Variants in SMS observed in about 807,000 individuals in gnomAD.
The protein encoded by SMS is spermine synthase.
In SMS, 3 loss-of-function variants were observed where a neutral mutation model predicts 33.0. The ratio of observed to expected loss-of-function variants is 0.09; its 90% CI spans 0.04 to 0.23. The LOEUF (loss-of-function observed/expected upper bound fraction) is 0.23. Ranked by LOEUF, SMS falls within the 10% of genes least tolerant of loss-of-function variation. The probability of loss-of-function intolerance (pLI) is 1.00; values close to 1 mark genes in which losing one functional copy is unlikely to be tolerated. For missense variants in SMS, 117 were observed against 288.6 expected, an observed-to-expected ratio of 0.41 and a Z score of 4.31; for synonymous variants, 103 against 112.2, an observed-to-expected ratio of 0.92 and a Z score of 0.52.
chrX:21,948,496 A>G (rs1429899865), intron 1 of SMS, among the ~76,000 whole-genome samples: 4 of 98,211 alleles, frequency 4.1e-5, no homozygotes, highest in African/African-American at 8.3e-5. Flanking sequence ...GGAGTTACCA[A>G]TTGGGAATCT....
At chrX:21,971,859 T>A in intron 2 of SMS, 38 bp from the exon 3 acceptor site, 1 of 925,390 alleles carries the variant, frequency 1.1e-6, no homozygotes, top group Non-Finnish European at 1.6e-6. Flanking sequence ...AATGCCCCGA[T>A]ACAATTCTTA....
At chrX:21,941,901 A>C (rs1921827920) in intron 1 of SMS, among the ~76,000 whole-genome samples, 1 of 90,041 alleles carries the variant, frequency 1.1e-5, no homozygotes, top group African/African-American at 3.8e-5. Context: ...AAAAAAAAAA[A>C]AAAAAAAAAA....
At chrX:21,993,460 C>T (rs760229693) in intron 10 of SMS, among the ~76,000 whole-genome samples, 4 of 112,704 alleles carry the variant, frequency 3.5e-5, no homozygotes, top group Non-Finnish European at 7.5e-5. Flanking sequence ...CAGATGACGG[C>T]TTCCTTATCT....
At chrX:21,962,492 C>CT (rs1297791917) in intron 1 of SMS, among the ~76,000 whole-genome samples, 2 of 110,935 alleles carry the variant, frequency 1.8e-5, no homozygotes, top group African/African-American at 6.6e-5. Flanking sequence ...GTTTCTTTTC[C>CT]TTTTTTTGTG....
At position 21,992,407 on chromosome X, in the gene SMS, G is replaced by C. The variant is rs191406545; in HGVS notation, c.946-190G>C. On this transcript the variant is annotated intron_variant, in intron 9 of 10. Transcript: ENST00000404933. The stretch of plus-strand genomic sequence containing the variant: ...AAATGGCTTGGTAAATGAGGTAGAA[G>C]GATAACGAGCTCTAATGGGTCTATA... Among the ~76,000 whole-genome samples, 19 of 112,482 alleles carry C rather than the reference G, an allele frequency of 1.7e-4. No individual in the cohort carries two copies. In the East Asian group the frequency reaches 2.2e-3, roughly 13 times the overall value.
At chrX:21,944,539 A>AAAAAAAAAAAAGAAAAAAG (rs776946474) in intron 1 of SMS, among the ~76,000 whole-genome samples, 1 of 81,439 alleles carries the variant, frequency 1.2e-5, no homozygotes, top group African/African-American at 4.9e-5. Context: ...AAAAAAAAAA[A>AAAAAAAAAAAAGAAAAAAG]AAAAAAGAAA....
chrX:21,973,527 G>A (rs187614141), intron 4 of SMS, among the ~76,000 whole-genome samples: 4 of 113,069 alleles, frequency 3.5e-5, no homozygotes, highest in East Asian at 5.6e-4. Flanking sequence ...CCAGAGTGAA[G>A]TTAAGCAATT....
intron 1 of SMS, 45 bp downstream of exon 1, chrX:21,940,918 C>A (rs1422921858): frequency 4.3e-6 from 4 of 935,470 alleles, no homozygotes; most frequent in Non-Finnish European, 5.6e-6. Context: ...CCGCCGCTCC[C>A]GCCGCCTGGC....
At chrX:21,985,802 G>A (rs1009660894) in intron 9 of SMS, among the ~76,000 whole-genome samples, 1 of 111,090 alleles carries the variant, frequency 9.0e-6, no homozygotes, top group Non-Finnish European at 1.9e-5. Flanking sequence ...AATCCCCTCC[G>A]CCATTTTTTA....
At chrX:21,959,490 G>T (rs1462787318) in intron 1 of SMS, among the ~76,000 whole-genome samples, 1 of 111,612 alleles carries the variant, frequency 9.0e-6, no homozygotes, top group Non-Finnish European at 1.9e-5. Context: ...TTTCAGAGGG[G>T]TTATGCCAGT....
intron 7 of SMS, among the ~76,000 whole-genome samples, chrX:21,979,553 A>G (rs1011979593): frequency 8.1e-5 from 9 of 111,380 alleles, no homozygotes; most frequent in African/African-American, 2.9e-4. Context: ...TTATGGCTGC[A>G]TAGTATTCCA....
chrX:21,957,458 G>T (rs1205792217), intron 1 of SMS, among the ~76,000 whole-genome samples: 1 of 110,592 alleles, frequency 9.0e-6, no homozygotes, highest in Non-Finnish European at 1.9e-5. Context: ...CACCACACCC[G>T]GCTAGTTTTT....
rs1921687513 is a variant in SMS, at chrX:21,940,747, C to T, written c.-78C>T. On this transcript the variant is annotated 5_prime_UTR_variant, in exon 1 of 11. Coordinates refer to ENST00000404933, the MANE Select transcript of SMS (RefSeq NM_004595.5). ...CCGGGCGCAGCACACTCCCAGCCGGCCGCAGCCTGACACGCCGCGCGGCCC... is the reference window on the plus strand; with the variant it reads ...CCGGGCGCAGCACACTCCCAGCCGGTCGCAGCCTGACACGCCGCGCGGCCC... 1.2e-6 allele frequency: 1 copy of T among 865,299 alleles called. No homozygotes were observed. Among genetic ancestry groups the T allele is most frequent in the African/African-American group, 2.1e-5 (1 of 47,349 alleles). 71.3% of individuals were successfully genotyped at this position (865,299 alleles called of 1,213,427 possible). A position where few individuals can be genotyped will look rare whatever the true frequency, so the allele number is the denominator to read the frequency against.
chrX:21,961,882 A>G (rs1923382431), intron 1 of SMS, among the ~76,000 whole-genome samples: 1 of 112,333 alleles, frequency 8.9e-6, no homozygotes, highest in South Asian at 3.7e-4. Context: ...ACTTCTGCCA[A>G]AGAAGAACAT....
intron 1 of SMS, among the ~76,000 whole-genome samples, chrX:21,951,363 A>G (rs1922594700): frequency 8.9e-6 from 1 of 112,226 alleles, no homozygotes; most frequent in African/African-American, 3.2e-5. Context: ...GTAGATTGCA[A>G]AAATGTTCTC....
At chrX:21,992,809 T>C in intron 10 of SMS, 97 bp downstream of exon 10, 16 of 506,414 alleles carry the variant, frequency 3.2e-5, no homozygotes, top group Non-Finnish European at 5.2e-5. Context: ...AACAATTAGC[T>C]TAGCCATAGA....
At chrX:21,968,693 G>A (rs775597249) in intron 2 of SMS, among the ~76,000 whole-genome samples, 34 of 112,337 alleles carry the variant, frequency 3.0e-4, no homozygotes, top group African/African-American at 1.0e-3. Flanking sequence ...AAACCAGTGC[G>A]TTGAGCTCTT....
At chrX:21,973,844 G>A (rs1266719905) in intron 4 of SMS, among the ~76,000 whole-genome samples, 1 of 113,176 alleles carries the variant, frequency 8.8e-6, no homozygotes, top group Non-Finnish European at 1.9e-5. Context: ...AATTTCTATC[G>A]GACACTGCCG....
chrX:21,983,674 G>C (rs1925136107), intron 7 of SMS, among the ~76,000 whole-genome samples: 1 of 111,224 alleles, frequency 9.0e-6, no homozygotes, highest in South Asian at 3.7e-4. Flanking sequence ...TTAATAGTTT[G>C]AGTAAGGTGC....
Sources: allele counts gnomAD v4.1 joint callset (sites outside exome capture counted in the v4.1 genomes callset), GRCh38; gene constraint gnomAD v4.1.1; transcripts MANE v1.5; gene names NCBI Gene and HGNC (gene_info 2026-07-23, HGNC 2026-07-21).